The following RBFOX1 variants were observed in gnomAD, a reference collection of about 807,000 sequenced individuals.
The protein encoded by RBFOX1 is RNA binding fox-1 homolog 1.
A neutral mutation model predicts 57.7 loss-of-function variants in RBFOX1; 8 were observed. That is an observed-to-expected ratio of 0.14 (90% CI 0.08 to 0.25). The LOEUF is 0.25. RBFOX1 is among the 10% of genes least tolerant of loss of function. RBFOX1 has a pLI of 1.00. For missense variants in RBFOX1, 611 were observed against 548.5 expected (o/e 1.11, Z -1.14); for synonymous variants, 326 against 222.4 (o/e 1.47, Z -4.15).
intron 2 of RBFOX1, among the ~76,000 whole-genome samples, chr16:5,543,554 G>C (rs2045057115): frequency 6.6e-6 from 1 of 152,142 alleles, no homozygotes; most frequent in South Asian, 2.1e-4. Flanking sequence ...ACAAGTTCAA[G>C]GAATTTAATA....
intron 2 of RBFOX1, among the ~76,000 whole-genome samples, chr16:5,518,733 G>T (rs1048009248): frequency 6.6e-6 from 1 of 152,168 alleles, no homozygotes; most frequent in Non-Finnish European, 1.5e-5. Flanking sequence ...CAACTGTGAA[G>T]CGAAGGTCCC....
intron 4 of RBFOX1, among the ~76,000 whole-genome samples, chr16:7,227,686 G>A (rs963371243): frequency 3.3e-5 from 5 of 152,142 alleles, no homozygotes; most frequent in African/African-American, 9.7e-5. Context: ...CTTCCAGCGG[G>A]CATTTGGGTC....
chr16:6,765,196 G>T (rs954220259), intron 3 of RBFOX1, among the ~76,000 whole-genome samples: 1 of 152,104 alleles, frequency 6.6e-6, no homozygotes, highest in Admixed American at 6.6e-5. Flanking sequence ...TGGTAAGGGA[G>T]GGGGTGGACT....
intron 3 of RBFOX1, among the ~76,000 whole-genome samples, chr16:6,907,821 G>A (rs943335445): frequency 6.0e-5 from 9 of 149,218 alleles, no homozygotes; most frequent in Admixed American, 4.6e-4. Context: ...TGAACCACCC[G>A]CCTCGGCCTC....
rs549056746 is a variant in RBFOX1 at position 5,251,955 on chromosome 16, A to G, written c.219+11850A>G. On this transcript the variant is annotated intron_variant, in intron 1 of 2. Coordinates refer to the RBFOX1 transcript ENST00000585867. ...TCCTGAACCAGTGACCTTTGAGATG[A>G]AGTCTTCTTGCCAAGGTCTGGGGCT... 2.0e-5 allele frequency among the ~76,000 whole-genome samples: 3 copies of G among 151,478 alleles called. No individual in the cohort carries two copies. The East Asian group carries it at 5.8e-4, about 29-fold the overall frequency.
chr16:7,429,220 C>T (rs1470898079), intron 4 of RBFOX1, among the ~76,000 whole-genome samples: 3 of 152,222 alleles, frequency 2.0e-5, no homozygotes, highest in African/African-American at 7.2e-5. Context: ...GGCACAGCAA[C>T]ATCCTCTCTC....
chr16:7,591,149 G>T (rs1036237102), intron 7 of RBFOX1, among the ~76,000 whole-genome samples: 3 of 152,104 alleles, frequency 2.0e-5, no homozygotes, highest in African/African-American at 7.2e-5. Flanking sequence ...TGAGAGTTGC[G>T]TAAGAATTTC....
At chr16:7,250,564 A>C (rs2094466563) in intron 4 of RBFOX1, among the ~76,000 whole-genome samples, 1 of 152,226 alleles carries the variant, frequency 6.6e-6, no homozygotes, top group Non-Finnish European at 1.5e-5. Context: ...AAACTACCTG[A>C]AGGCAAAGAC....
chr16:7,299,313 T>C (rs914302353), intron 4 of RBFOX1, among the ~76,000 whole-genome samples: 1 of 152,252 alleles, frequency 6.6e-6, no homozygotes, highest in Admixed American at 6.5e-5. Flanking sequence ...AATGTAACTT[T>C]GAAAAGCTCA....
At chr16:6,983,723 G>C (rs1241265575) in intron 3 of RBFOX1, 1 of 152,442 alleles carries the variant, frequency 6.6e-6, no homozygotes, top group Non-Finnish European at 1.5e-5. Context: ...TTGAAGGTCT[G>C]CTCTTCTGCT....
intron 3 of RBFOX1, among the ~76,000 whole-genome samples, chr16:6,818,042 A>T (rs1044060258): frequency 6.6e-6 from 1 of 152,110 alleles, no homozygotes; most frequent in Admixed American, 6.5e-5. Context: ...CTGCTCTCCT[A>T]TATCTCACAT....
chr16:7,060,943 G>C (rs1302312990), intron 4 of RBFOX1, among the ~76,000 whole-genome samples: 1 of 152,166 alleles, frequency 6.6e-6, no homozygotes, highest in African/African-American at 2.4e-5. Context: ...AGAAATCCCA[G>C]GTAGGTGGTG....
At chr16:7,493,951 A>G (rs946098798) in intron 4 of RBFOX1, among the ~76,000 whole-genome samples, 4 of 152,224 alleles carry the variant, frequency 2.6e-5, no homozygotes, top group Non-Finnish European at 4.4e-5. Context: ...TCAAATAGAA[A>G]GTCAAAACAA....
chr16:6,459,984 CAAAAAAAAAAAAAAAAAAAAAAA>C (rs149424076), intron 2 of RBFOX1, among the ~76,000 whole-genome samples: 8 of 47,682 alleles, frequency 1.7e-4, no homozygotes, highest in Admixed American at 4.1e-4. Context: ...AACTCCATCT[CAAAAAAAAAAAAAAAAAAAAAAA>C]AAAAAAAAAA....
intron 3 of RBFOX1, among the ~76,000 whole-genome samples, chr16:5,689,593 T>A (rs542141350): frequency 6.6e-6 from 1 of 152,154 alleles, no homozygotes; most frequent in Non-Finnish European, 1.5e-5. Flanking sequence ...TTTCTCTTTG[T>A]CCTCTGCAGA....
At chr16:5,839,183 A>G (rs1208870297) in intron 3 of RBFOX1, among the ~76,000 whole-genome samples, 1 of 152,238 alleles carries the variant, frequency 6.6e-6, no homozygotes, top group Non-Finnish European at 1.5e-5. Context: ...TCCAGAATTT[A>G]TCCTTTGCAC....
chr16:7,007,147 C>T (rs1282263060), intron 3 of RBFOX1, among the ~76,000 whole-genome samples: 1 of 152,162 alleles, frequency 6.6e-6, no homozygotes, highest in East Asian at 1.9e-4. Context: ...TTTCAAACTC[C>T]TTCAGGTTGC....
chr16:6,832,549 C>G (rs573373448), intron 3 of RBFOX1, among the ~76,000 whole-genome samples: 10 of 152,158 alleles, frequency 6.6e-5, no homozygotes, highest in Non-Finnish European at 1.2e-4. Flanking sequence ...GTATGAATGT[C>G]TTGGGGTCTC....
intron 4 of RBFOX1, among the ~76,000 whole-genome samples, chr16:5,894,985 T>C (rs1041455008): frequency 2.0e-5 from 3 of 152,094 alleles, no homozygotes; most frequent in Non-Finnish European, 4.4e-5. Context: ...ATCGTGCCAC[T>C]GCACTCCAGC....
Sources: gnomAD v4.1 joint callset for allele counts (sites outside exome capture counted in the v4.1 genomes callset) on GRCh38, gnomAD v4.1.1 for gene constraint, MANE v1.5 for transcripts, NCBI Gene and HGNC (gene_info 2026-07-23, HGNC 2026-07-21) for gene names.